Variants in TMC7 observed in about 807,000 individuals in gnomAD.
TMC7 encodes transmembrane channel-like protein 7.
TMC7 carries 54 observed loss-of-function variants against 82.9 expected under a neutral mutation model. The ratio of observed to expected loss-of-function variants is 0.65; its 90% CI spans 0.52 to 0.82. The LOEUF is 0.82. TMC7 is among the 40% of genes least tolerant of loss of function. The pLI, the probability that TMC7 is intolerant of heterozygous loss-of-function variation, is 0.00. For missense variants in TMC7, 820 were observed against 901.2 expected (o/e 0.91, Z 1.15); for synonymous variants, 350 against 337.9 (o/e 1.04, Z -0.39).
intron 9 of TMC7, 125 bp from the exon 10 acceptor site, chr16:19,044,759 A>T: frequency 5.9e-6 from 3 of 504,768 alleles, no homozygotes; most frequent in Non-Finnish European, 1.0e-5. Context: ...CAGAGCAAAC[A>T]CTCCATCTCA....
At chr16:19,034,964 CAT>C (rs1249460599) in intron 6 of TMC7, among the ~76,000 whole-genome samples, 1 of 151,918 alleles carries the variant, frequency 6.6e-6, no homozygotes, top group Non-Finnish European at 1.5e-5. Context: ...ACCAAAAAGA[CAT>C]ATGCACTCGT....
At position 19,034,949 on chromosome 16, in the gene TMC7, G is replaced by A. The variant is rs149690015; in HGVS notation, c.858-727G>A. On this transcript the variant is annotated intron_variant, in intron 6 of 15. Transcript: ENST00000304381. The stretch of plus-strand genomic sequence containing the variant: ...TTTGGATTTTAAAAGAAAATGAATC[G>A]TTCTACCAAAAAGACATATGCACTC... Among the ~76,000 whole-genome samples, 25 of 152,112 alleles carry A rather than the reference G, an allele frequency of 1.6e-4. No individual in the cohort carries two copies. The East Asian group carries it at 4.1e-3, about 25-fold the overall frequency.
intron 6 of TMC7, among the ~76,000 whole-genome samples, chr16:19,034,570 C>G (rs890945173): frequency 9.9e-5 from 15 of 151,780 alleles, no homozygotes; most frequent in Admixed American, 2.6e-4. Flanking sequence ...TGCACTCCAG[C>G]CTGGGCAACA....
chr16:19,042,938 G>A (rs1213528918), intron 9 of TMC7, among the ~76,000 whole-genome samples: 1 of 151,834 alleles, frequency 6.6e-6, no homozygotes, highest in Non-Finnish European at 1.5e-5. Flanking sequence ...AGTAGAGATG[G>A]GGTTTTACTG....
chr16:19,050,158 T>A (rs1961460721), intron 12 of TMC7, among the ~76,000 whole-genome samples: 1 of 151,562 alleles, frequency 6.6e-6, no homozygotes, highest in Non-Finnish European at 1.5e-5. Context: ...GATCACGAGG[T>A]CAGGAGATCG....
chr16:19,021,223 A>T (rs770912148), intron 3 of TMC7, among the ~76,000 whole-genome samples: 3 of 152,234 alleles, frequency 2.0e-5, no homozygotes, highest in Non-Finnish European at 4.4e-5. Context: ...ATCTGCAGTA[A>T]TTAAGACAGT....
intron 1 of TMC7, among the ~76,000 whole-genome samples, chr16:18,992,688 A>G (rs1394074635): frequency 6.6e-6 from 1 of 152,150 alleles, no homozygotes; most frequent in East Asian, 1.9e-4. Context: ...TATGTCCTGA[A>G]TGGTATTGCC....
In TMC7 at chr16:19,045,366, A is replaced by G; in HGVS notation, c.1481A>G (p.Glu494Gly). The G allele has an allele frequency of 6.2e-7, 1 of 1,614,030 alleles. No homozygotes were observed. The highest frequency in any genetic ancestry group is 8.5e-7 in the Non-Finnish European group (1 of 1,179,986). Residue 494 changes from glutamate to glycine, a missense_variant, in exon 11 of 16, where the codon GAA (glutamate) becomes GGA (glycine). This residue lies in a region of TMC7 where 650 missense variants were observed against 669.9 expected (regional missense o/e 0.97). Coordinates refer to ENST00000304381, the MANE Select transcript of TMC7 (RefSeq NM_024847.4). ...YPCWETQVGQ[E>G]MYKLMIFDFI... ...TGCTGGGAGACCCAAGTTGGGCAGG[A>G]AATGTACAAGCTGATGATCTTCGAC... is the stretch of plus-strand genomic sequence containing the variant.
intron 15 of TMC7, among the ~76,000 whole-genome samples, chr16:19,061,116 G>T (rs889233909): frequency 6.6e-6 from 1 of 150,678 alleles, no homozygotes; most frequent in Non-Finnish European, 1.5e-5. Context: ...CAATTCTCCT[G>T]CCTCAGCATC....
chr16:19,011,546 T>A (rs1047023571), intron 2 of TMC7, among the ~76,000 whole-genome samples: 2 of 149,038 alleles, frequency 1.3e-5, no homozygotes, highest in African/African-American at 2.5e-5. Context: ...AATAAATAAA[T>A]AAAATAATAA....
At chr16:19,032,147 A>C (rs1382625446) in intron 6 of TMC7, among the ~76,000 whole-genome samples, 1 of 152,206 alleles carries the variant, frequency 6.6e-6, no homozygotes, top group African/African-American at 2.4e-5. Context: ...TCCCTGTGAG[A>C]GCATGCACAG....
At chr16:19,035,864 G>A in intron 7 of TMC7, 41 bp downstream of exon 7, 1 of 1,531,226 alleles carries the variant, frequency 6.5e-7, no homozygotes, top group Non-Finnish European at 8.8e-7. Context: ...GTCCTCACCA[G>A]CAAGGTCCTG....
At chr16:19,042,974 C>T (rs1237481154) in intron 9 of TMC7, among the ~76,000 whole-genome samples, 1 of 151,906 alleles carries the variant, frequency 6.6e-6, no homozygotes. Flanking sequence ...TCTCGATCTC[C>T]TGACCTCGTG....
chr16:19,062,964 C>T lies in TMC7; in HGVS notation c.*1121C>T, dbSNP rs1962069237. 6.6e-6 allele frequency: 1 copy of T among 152,180 alleles called. No homozygotes were observed. The highest frequency in any genetic ancestry group is 2.1e-4 in the South Asian group (1 of 4,828). The allele number at this position is 152,180 out of a possible 1,614,324, so 9.4% of individuals were successfully genotyped here. ...TTAACAATAATTCTCCCGGCCATCT[C>T]CACTCCACTACTCAAAAATGCCTGA... On this transcript the variant is annotated 3_prime_UTR_variant, in exon 16 of 16. Coordinates refer to ENST00000304381, the MANE Select transcript of TMC7 (RefSeq NM_024847.4).
intron 1 of TMC7, among the ~76,000 whole-genome samples, chr16:19,003,609 A>C (rs1305553737): frequency 6.9e-6 from 1 of 145,056 alleles, no homozygotes; most frequent in African/African-American, 2.6e-5. Flanking sequence ...GGTGGGGAAA[A>C]GATTGAGAAA....
chr16:19,058,900 C>T (rs551132441), intron 14 of TMC7, among the ~76,000 whole-genome samples: 7 of 151,954 alleles, frequency 4.6e-5, no homozygotes, highest in East Asian at 1.9e-4. Flanking sequence ...TTTTTTTAGA[C>T]GGAGGCTTGC....
chr16:19,012,045 A>G (rs1479108691), intron 2 of TMC7: 1 of 151,380 alleles, frequency 6.6e-6, no homozygotes, highest in Non-Finnish European at 1.5e-5. Flanking sequence ...AGGGAAGATC[A>G]CCTGAGCCCA....
At chr16:19,051,426 C>T (rs796933248) in intron 12 of TMC7, among the ~76,000 whole-genome samples, 2 of 149,458 alleles carry the variant, frequency 1.3e-5, no homozygotes, top group Admixed American at 6.7e-5. Context: ...CAACAGTCCC[C>T]GGTGTGTGAT....
chr16:19,059,000 C>T (rs113746689), intron 14 of TMC7, among the ~76,000 whole-genome samples: 18 of 152,304 alleles, frequency 1.2e-4, no homozygotes, highest in African/African-American at 4.1e-4. Flanking sequence ...GTCTCAGCCT[C>T]CTGAGTAGCT....
Sources: gnomAD v4.1 joint callset for allele counts (sites outside exome capture counted in the v4.1 genomes callset) on GRCh38, gnomAD v4.1.1 for gene constraint, gnomAD v4.1.1 regional missense constraint, MANE v1.5 for transcripts, NCBI Gene and HGNC (gene_info 2026-07-23, HGNC 2026-07-21) for gene names.